The following COTL1 variants were observed in gnomAD, a reference collection of about 807,000 sequenced individuals.
COTL1 encodes coactosin-like protein.
COTL1 carries 15 observed loss-of-function variants against 16.5 expected under a neutral mutation model. The observed-to-expected ratio is 0.91, with a 90% CI of 0.61 to 1.40. The LOEUF is 1.40. COTL1 is among the 40% of genes most tolerant of loss of function. The pLI is 0.00. For synonymous variants in COTL1, 112 were observed against 85.3 expected (o/e 1.31, Z -1.73); for missense variants, 220 against 201.5 (o/e 1.09, Z -0.56).
At chr16:84,577,283 T>C (rs1280805771) in intron 3 of COTL1, among the ~76,000 whole-genome samples, 1 of 152,226 alleles carries the variant, frequency 6.6e-6, no homozygotes, top group Non-Finnish European at 1.5e-5. Context: ...CTTGCTCCAC[T>C]GCCCAGTCTG....
At chr16:84,575,923 G>C (rs1403695344) in intron 3 of COTL1, 1 of 152,248 alleles carries the variant, frequency 6.6e-6, no homozygotes, top group Non-Finnish European at 1.5e-5. Context: ...ACAAAGCGGA[G>C]TGCTCAACAG....
chr16:84,613,839 A>G (rs191815145), intron 2 of COTL1, among the ~76,000 whole-genome samples: 255 of 147,860 alleles, frequency 1.7e-3, no homozygotes, highest in Non-Finnish European at 2.9e-3. Context: ...CCCCCCACCC[A>G]CTCCAGAGGT....
chr16:84,602,440 T>C (rs985560186), intron 2 of COTL1, among the ~76,000 whole-genome samples: 1 of 151,854 alleles, frequency 6.6e-6, no homozygotes, highest in African/African-American at 2.4e-5. Context: ...AACCAATTCT[T>C]TGTCAGGATT....
intron 3 of COTL1, among the ~76,000 whole-genome samples, chr16:84,578,593 GCACA>G (rs1032189118): frequency 1.3e-5 from 2 of 149,156 alleles, no homozygotes; most frequent in Non-Finnish European, 3.0e-5. Flanking sequence ...AGGCATGCAC[GCACA>G]CAAACACAGA....
intron 2 of COTL1, among the ~76,000 whole-genome samples, chr16:84,598,271 C>G (rs939485131): frequency 2.0e-5 from 3 of 152,186 alleles, no homozygotes; most frequent in African/African-American, 4.8e-5. Context: ...CTTCCTTCCA[C>G]TGGTCTATGA....
chr16:84,579,295 G>A (rs1001127255), intron 3 of COTL1, among the ~76,000 whole-genome samples: 4 of 152,186 alleles, frequency 2.6e-5, no homozygotes, highest in South Asian at 2.1e-4. Flanking sequence ...TCAGGAGTTC[G>A]CGACCAGTCT....
At chr16:84,580,157 A>T (rs1201077137) in intron 3 of COTL1, among the ~76,000 whole-genome samples, 1 of 152,236 alleles carries the variant, frequency 6.6e-6, no homozygotes, top group African/African-American at 2.4e-5. Context: ...CCCGCTGGGC[A>T]GAATTCTTTG....
intron 3 of COTL1, among the ~76,000 whole-genome samples, chr16:84,578,699 CCA>C (rs1365659753): frequency 6.8e-6 from 1 of 147,750 alleles, no homozygotes. Flanking sequence ...AGGAATGTAC[CCA>C]CACAGGTGCA....
At chr16:84,582,890 C>G (rs934135237) in intron 3 of COTL1, among the ~76,000 whole-genome samples, 1 of 152,170 alleles carries the variant, frequency 6.6e-6, no homozygotes, top group Non-Finnish European at 1.5e-5. Context: ...CCCTACACGC[C>G]GTAACTTTCT....
At chr16:84,597,409 C>T (rs1418676459) in intron 2 of COTL1, among the ~76,000 whole-genome samples, 4 of 152,146 alleles carry the variant, frequency 2.6e-5, no homozygotes, top group Admixed American at 6.5e-5. Flanking sequence ...TCTCCCTGCC[C>T]GCTGCAGAGC....
chr16:84,602,552 T>C lies in COTL1; in HGVS notation c.161-12290A>G, dbSNP rs16974267. On this transcript the variant is annotated intron_variant, in intron 2 of 3. Coordinates refer to ENST00000262428, the MANE Select transcript of COTL1 (RefSeq NM_021149.5). ...CAACTGATTTGTTTTGACAAATTTG[T>C]GGTTTAATAAAAGCACATGTGGCCA... Among the ~76,000 whole-genome samples the C allele has an allele frequency of 8.0e-3, 1,211 of 152,070 alleles. 18 individuals are homozygous for C. The highest frequency in any genetic ancestry group is 0.028 in the African/African-American group (1,170 of 41,488).
At chr16:84,594,104 C>T (rs1904939275) in intron 2 of COTL1, among the ~76,000 whole-genome samples, 1 of 152,176 alleles carries the variant, frequency 6.6e-6, no homozygotes, top group Non-Finnish European at 1.5e-5. Flanking sequence ...TGCGGGTCAC[C>T]ACTTCATTCC....
intron 2 of COTL1, among the ~76,000 whole-genome samples, chr16:84,613,943 C>T (rs74036348): frequency 0.021 from 3,145 of 152,222 alleles, 116 homozygotes; most frequent in African/African-American, 0.071. Context: ...CAGGGACCCC[C>T]AAAATCACTG....
At chr16:84,607,077 T>C (rs573527773) in intron 2 of COTL1, among the ~76,000 whole-genome samples, 2 of 152,204 alleles carry the variant, frequency 1.3e-5, no homozygotes, top group South Asian at 4.2e-4. Flanking sequence ...AGGATGGGGA[T>C]TCCCCGCCAA....
intron 2 of COTL1, among the ~76,000 whole-genome samples, chr16:84,599,707 T>C (rs1905073703): frequency 6.6e-6 from 1 of 152,182 alleles, no homozygotes; most frequent in African/African-American, 2.4e-5. Flanking sequence ...CAGCTCACTC[T>C]AAAGCTGCCC....
chr16:84,571,930 G>C (rs550543035), intron 3 of COTL1, among the ~76,000 whole-genome samples: 1 of 152,174 alleles, frequency 6.6e-6, no homozygotes. Context: ...TCCTACACGG[G>C]GTGCTCCCAA....
chr16:84,600,047 G>A (rs1426271748), intron 2 of COTL1, among the ~76,000 whole-genome samples: 1 of 152,246 alleles, frequency 6.6e-6, no homozygotes, highest in East Asian at 1.9e-4. Context: ...GGCTGGGGCT[G>A]GAAGGGGCCA....
chr16:84,590,098 T>A lies in COTL1; in HGVS notation c.318+7A>T, dbSNP rs558085837. 6.2e-6 allele frequency: 10 copies of A among 1,610,128 alleles called. No individual in the cohort carries two copies. In the South Asian group the frequency reaches 1.1e-4, roughly 18 times the overall value. The stretch of plus-strand genomic sequence containing the variant: ...TTTGACCTCCAGACTCTGGAGGAAC[T>A]CAGTACCTGTACGACCTCCTTCACC... On this transcript the variant is annotated splice_region_variant and intron_variant, in intron 3 of 3. Coordinates refer to ENST00000262428, the MANE Select transcript of COTL1 (RefSeq NM_021149.5). This position sits in a 1 kb window ranked among gnomAD's most constrained non-coding sequence, Gnocchi z 5.5.
At position 84,566,035 on chromosome 16, in the gene COTL1, T is replaced by C. The variant is rs1904296853; in HGVS notation, c.*810A>G. On this transcript the variant is annotated 3_prime_UTR_variant, in exon 4 of 4. Coordinates refer to ENST00000262428, the MANE Select transcript of COTL1 (RefSeq NM_021149.5). ...CTTGTCGCTTTGGGAGCCCCTGAAG[T>C]GAACCCTGAAATACTCCCTCCGTCA... is the stretch of plus-strand genomic sequence containing the variant. The C allele has an allele frequency of 6.6e-6, 1 of 152,668 alleles. No homozygotes were observed. Among genetic ancestry groups the C allele is most frequent in the Admixed American group, 6.5e-5 (1 of 15,282 alleles). The allele number at this position is 152,668 out of a possible 1,614,324, so 9.5% of individuals were successfully genotyped here. A position where few individuals can be genotyped will look rare whatever the true frequency, so the allele number is the denominator to read the frequency against.
Sources: allele counts gnomAD v4.1 joint callset (sites outside exome capture counted in the v4.1 genomes callset), GRCh38; gene constraint gnomAD v4.1.1; non-coding constraint Gnocchi (gnomAD v3.1); transcripts MANE v1.5; gene names NCBI Gene and HGNC (gene_info 2026-07-23, HGNC 2026-07-21).